The following UTRN variants were observed in gnomAD, a reference collection of about 807,000 sequenced individuals.
The protein encoded by UTRN is dystrophin-related protein 1.
In UTRN, 283 loss-of-function variants were observed where a neutral mutation model predicts 463.9. That is an observed-to-expected ratio of 0.61 (90% CI 0.55 to 0.67). The LOEUF (loss-of-function observed/expected upper bound fraction) is 0.67, where lower values mean the gene tolerates loss of function less well. Ranked by LOEUF, UTRN falls within the 30% of genes least tolerant of loss-of-function variation. The pLI is 0.00. For synonymous variants in UTRN, 1,442 were observed against 1,431.5 expected (o/e 1.01, Z -0.17); for missense variants, 3,922 against 4,084.3 (o/e 0.96, Z 1.08).
intron 65 of UTRN, among the ~76,000 whole-genome samples, chr6:144,819,928 C>G (rs1386652674): frequency 2.0e-5 from 3 of 147,614 alleles, no homozygotes; most frequent in African/African-American, 5.0e-5. Flanking sequence ...CTCTCTCTCT[C>G]TCTCTTTCTG....
chr6:144,472,329 G>A (rs62427173), intron 23 of UTRN, among the ~76,000 whole-genome samples: 11 of 147,702 alleles, frequency 7.4e-5, no homozygotes, highest in Admixed American at 7.4e-4. Context: ...TTTTTTTTTG[G>A]AGGAGGAAGC....
Position 144,533,124 on chromosome 6 carries a change from G to T in UTRN, c.6097G>T (p.Ala2033Ser). 2.5e-6 allele frequency: 4 copies of T among 1,613,812 alleles called. No individual in the cohort carries two copies. The highest frequency in any genetic ancestry group is 3.4e-6 in the Non-Finnish European group (4 of 1,179,860). ...VGISSHQPSF[A>S]ALNRTGDGIV... ...CATCAGCAGCCACCAGCCCAGTTTT[G>T]CAGCACTAAACCGAACTGGGGATGG... Residue 2033 changes from alanine (A) to serine (S), a missense_variant, in exon 43 of 75, where the codon GCA becomes TCA. By Grantham distance (99) the Ala-to-Ser change is moderately conservative (BLOSUM62 1). This residue lies in a region of UTRN where 2,349 missense variants were observed against 2,303.8 expected (regional missense o/e 1.02). Coordinates refer to ENST00000367545, the MANE Select transcript of UTRN (RefSeq NM_007124.3).
At position 144,773,772 on chromosome 6, in the gene UTRN, C is replaced by T. The variant is rs149910976; in HGVS notation, c.8558-518C>T. On this transcript the variant is annotated intron_variant, in intron 59 of 74. Coordinates refer to ENST00000367545, the MANE Select transcript of UTRN (RefSeq NM_007124.3). ...GCTTCTCCCTGCAGCATATTCCTTTCCTCTAGGGACAGGATACCTGTCACA... is the reference window on the plus strand; with the variant it reads ...GCTTCTCCCTGCAGCATATTCCTTTTCTCTAGGGACAGGATACCTGTCACA... Among the ~76,000 whole-genome samples the T allele has an allele frequency of 7.2e-4, 109 of 152,316 alleles. 2 individuals are homozygous for T. The East Asian group carries it at 0.02, about 28-fold the overall frequency.
At chr6:144,671,799 A>G (rs1313345644) in intron 51 of UTRN, among the ~76,000 whole-genome samples, 1 of 152,080 alleles carries the variant, frequency 6.6e-6, no homozygotes, top group Non-Finnish European at 1.5e-5. Flanking sequence ...TGAATTCATC[A>G]TAGGTGGCTT....
rs1797798527 is a variant in UTRN, at chr6:144,539,276, A to G, written c.6370-18A>G. 7 of 1,592,876 alleles carry G rather than the reference A, an allele frequency of 4.4e-6. No individual in the cohort carries two copies. Among genetic ancestry groups the G allele is most frequent in the South Asian group, 2.3e-5 (2 of 87,238 alleles). ...ATCTGACTACCTTCTAACCACACCTATCTTTTAACTTCTCCAGGACTTAAC... is the reference window on the plus strand; with the variant it reads ...ATCTGACTACCTTCTAACCACACCTGTCTTTTAACTTCTCCAGGACTTAAC... On this transcript the variant is annotated intron_variant, in intron 44 of 74. Coordinates refer to ENST00000367545, the MANE Select transcript of UTRN (RefSeq NM_007124.3).
At chr6:144,633,071 A>G (rs1190849423) in intron 51 of UTRN, among the ~76,000 whole-genome samples, 1 of 152,154 alleles carries the variant, frequency 6.6e-6, no homozygotes, top group Non-Finnish European at 1.5e-5. Flanking sequence ...AATATTTGGC[A>G]TAATTTAGTA....
At chr6:144,732,655 CATGTTATGTT>C (rs57770911) in intron 54 of UTRN, among the ~76,000 whole-genome samples, 22,946 of 126,196 alleles carry the variant, frequency 0.18, 2,089 homozygotes, top group South Asian at 0.26. Context: ...CATTTTATGT[CATGTTATGTT>C]ATGTTATGTT....
At chr6:144,695,560 C>G (rs930026284) in intron 52 of UTRN, among the ~76,000 whole-genome samples, 1 of 152,070 alleles carries the variant, frequency 6.6e-6, no homozygotes, top group Non-Finnish European at 1.5e-5. Flanking sequence ...GGCCAGGCTG[C>G]TCTTGAACTC....
At chr6:144,518,868 A>C (rs777690991) in intron 39 of UTRN, among the ~76,000 whole-genome samples, 4 of 152,174 alleles carry the variant, frequency 2.6e-5, no homozygotes, top group Non-Finnish European at 5.9e-5. Flanking sequence ...TTTCAAACTT[A>C]TATGATTCTT....
At chr6:144,690,349 C>T (rs1021342163) in intron 52 of UTRN, among the ~76,000 whole-genome samples, 2 of 151,750 alleles carry the variant, frequency 1.3e-5, no homozygotes, top group African/African-American at 4.8e-5. Context: ...TAAGACCCAC[C>T]TAGCTTCCCT....
chr6:144,577,104 C>G lies in UTRN; in HGVS notation c.7295C>G (p.Ala2432Gly), dbSNP rs1262263473. The G allele has an allele frequency of 2.5e-6, 4 of 1,613,106 alleles. No homozygotes were observed. Among genetic ancestry groups the G allele is most frequent in the East Asian group, 2.2e-5 (1 of 44,814 alleles). The change falls in exon 51 of 75, where the codon GCT (alanine) becomes GGT (glycine). Residue 2432 changes from alanine to glycine, a missense_variant. Coordinates refer to ENST00000367545, the MANE Select transcript of UTRN (RefSeq NM_007124.3). ...TGTCATATTGTTACTTTCAGTATTG[C>G]TGACAGACAGAACGCCTTGGAGGCT... ...TSWINLKQSI[A>G]DRQNALEAEW...
chr6:144,304,813 ATATT>A (rs1805566164), intron 2 of UTRN, among the ~76,000 whole-genome samples: 1 of 152,022 alleles, frequency 6.6e-6, no homozygotes, highest in Non-Finnish European at 1.5e-5. Context: ...AAAAAAATTT[ATATT>A]TATATATTTA....
chr6:144,332,572 G>GA (rs145348913), intron 2 of UTRN, among the ~76,000 whole-genome samples: 10,207 of 152,020 alleles, frequency 0.067, 1,150 homozygotes, highest in African/African-American at 0.23. Flanking sequence ...AAGTTAACTT[G>GA]AAAAAATCTA....
At position 144,678,372 on chromosome 6, in the gene UTRN, C is replaced by A. The variant is rs749238884; in HGVS notation, c.7480-34C>A. On this transcript the variant is annotated intron_variant, in intron 51 of 74. Coordinates refer to ENST00000367545, the MANE Select transcript of UTRN (RefSeq NM_007124.3). ...AATATAAAGATATACTGATTCCTAA[C>A]ACTTGCATTATCTATTTGCTTTTTT... The A allele has an allele frequency of 3.8e-6, 6 of 1,594,848 alleles. No individual in the cohort carries two copies. In the South Asian group the frequency reaches 6.8e-5, roughly 18 times the overall value.
chr6:144,815,204 A>G (rs567308424), intron 65 of UTRN, among the ~76,000 whole-genome samples: 1 of 152,376 alleles, frequency 6.6e-6, no homozygotes, highest in Non-Finnish European at 1.5e-5. Context: ...GGAAAATAAT[A>G]GGAAACCATT....
At chr6:144,539,196 T>C in intron 44 of UTRN, 98 bp from the exon 45 acceptor site, 2 of 1,304,462 alleles carry the variant, frequency 1.5e-6, no homozygotes, top group Middle Eastern at 2.0e-4. Flanking sequence ...AATTAGAAAG[T>C]TACATTTGTA....
At chr6:144,538,891 C>A (rs1323030355) in intron 44 of UTRN, among the ~76,000 whole-genome samples, 1 of 152,002 alleles carries the variant, frequency 6.6e-6, no homozygotes, top group Non-Finnish European at 1.5e-5. Flanking sequence ...TCCTTTTTTA[C>A]CTAAAAATTT....
At chr6:144,449,502 T>A (rs943031115) in intron 17 of UTRN, among the ~76,000 whole-genome samples, 7 of 152,164 alleles carry the variant, frequency 4.6e-5, no homozygotes, top group African/African-American at 1.7e-4. Flanking sequence ...TGACTGAGTC[T>A]CCAAGGTCAT....
chr6:144,704,685 T>C (rs1190245482), intron 53 of UTRN, among the ~76,000 whole-genome samples: 1 of 152,154 alleles, frequency 6.6e-6, no homozygotes, highest in African/African-American at 2.4e-5. Context: ...ATTTTCTGGC[T>C]GGGCGTGGTG....
Sources: gnomAD v4.1 joint callset for allele counts (sites outside exome capture counted in the v4.1 genomes callset) on GRCh38, gnomAD v4.1.1 for gene constraint, gnomAD v4.1.1 regional missense constraint, MANE v1.5 for transcripts, NCBI Gene and HGNC (gene_info 2026-07-23, HGNC 2026-07-21) for gene names.